The following MCC variants were observed in gnomAD, a reference collection of about 807,000 sequenced individuals.
The protein encoded by MCC is colorectal mutant cancer protein.
Under a neutral mutation model 116.2 loss-of-function variants are expected in MCC, and 90 were observed. That is an observed-to-expected ratio of 0.77 (90% CI 0.65 to 0.92). The LOEUF is 0.92. Among genes scored for constraint, MCC ranks in the 40% least tolerant of loss-of-function variants. The probability of loss-of-function intolerance (pLI) is 0.00; values close to 1 mark genes in which losing one functional copy is unlikely to be tolerated. For synonymous variants in MCC, 578 were observed against 510.5 expected, an observed-to-expected ratio of 1.13 and a Z score of -1.78; for missense variants, 1,516 against 1,312.2, an observed-to-expected ratio of 1.16 and a Z score of -2.40.
chr5:113,292,436 G>A (rs1766536752), intron 3 of MCC, among the ~76,000 whole-genome samples: 1 of 152,056 alleles, frequency 6.6e-6, no homozygotes, highest in African/African-American at 2.4e-5. Context: ...GCTGAGGAAG[G>A]AACTTATTTC....
chr5:113,090,810 G>C (rs185960598), intron 8 of MCC, among the ~76,000 whole-genome samples: 13 of 152,270 alleles, frequency 8.5e-5, no homozygotes, highest in Middle Eastern at 3.4e-3. Context: ...GTCAACAGGT[G>C]CTCCTATTAA....
chr5:113,071,561 G>C (rs560965192), intron 11 of MCC, among the ~76,000 whole-genome samples: 2 of 152,182 alleles, frequency 1.3e-5, no homozygotes, highest in Non-Finnish European at 2.9e-5. Flanking sequence ...CCTCCAGGCC[G>C]CCATCATGTG....
chr5:113,363,017 T>C (rs2416311), intron 2 of MCC, among the ~76,000 whole-genome samples: 95,208 of 151,996 alleles, frequency 0.63, 32,358 homozygotes, highest in African/African-American at 0.9. Flanking sequence ...CAGTGGCTCA[T>C]GCCTGTAATC....
chr5:113,327,561 A>ATATATATATATATAT (rs1554076392), intron 3 of MCC, among the ~76,000 whole-genome samples: 73 of 80,474 alleles, frequency 9.1e-4, no homozygotes, highest in Non-Finnish European at 1.4e-3. Flanking sequence ...AAAAAAAAAA[A>ATATATATATATATAT]ATATATATAT....
chr5:113,390,898 C>T (rs1168813802), intron 1 of MCC, among the ~76,000 whole-genome samples: 1 of 152,110 alleles, frequency 6.6e-6, no homozygotes, highest in Non-Finnish European at 1.5e-5. Context: ...ACTTATTTTG[C>T]CCCAAATCTT....
At chr5:113,409,550 C>A (rs749360564) in intron 1 of MCC, among the ~76,000 whole-genome samples, 2 of 152,098 alleles carry the variant, frequency 1.3e-5, no homozygotes, top group Admixed American at 1.3e-4. Context: ...TGGGGTCTCA[C>A]TATGTAGCCC....
intron 5 of MCC, among the ~76,000 whole-genome samples, chr5:113,134,944 CTTT>C (rs1554056937): frequency 1.6e-5 from 2 of 128,268 alleles, no homozygotes; most frequent in South Asian, 2.6e-4. Context: ...ACTTTTACTT[CTTT>C]TTTTTTTTTT....
chr5:113,315,207 G>C (rs1014627145), intron 3 of MCC, among the ~76,000 whole-genome samples: 3 of 152,054 alleles, frequency 2.0e-5, no homozygotes, highest in African/African-American at 7.2e-5. Flanking sequence ...TTTATCTCTG[G>C]TCCTCAATTC....
rs370370107 is a variant in MCC, at chr5:113,364,447, G to T, written c.415+20521C>A. On this transcript the variant is annotated intron_variant, in intron 2 of 18. Coordinates refer to ENST00000408903, the MANE Select transcript of MCC (RefSeq NM_001085377.2). ...TGCCCCTACAGCTTTGCAGGGTTCAGCCCCTGTGGCTACTTTCATGGGCTG... is the reference window on the plus strand; with the variant it reads ...TGCCCCTACAGCTTTGCAGGGTTCATCCCCTGTGGCTACTTTCATGGGCTG... 1.4e-3 allele frequency among the ~76,000 whole-genome samples: 220 copies of T among 152,270 alleles called. 1 individual carries two copies. Among genetic ancestry groups the T allele is most frequent in the African/African-American group, 5.1e-3 (210 of 41,564 alleles).
chr5:113,227,214 T>C (rs1261567175), intron 3 of MCC, among the ~76,000 whole-genome samples: 2 of 152,230 alleles, frequency 1.3e-5, no homozygotes, highest in South Asian at 2.1e-4. Flanking sequence ...TTTGAGACTC[T>C]TGAAGTTATC....
intron 3 of MCC, chr5:113,204,626 G>A (rs1482343415): frequency 1.3e-5 from 2 of 152,240 alleles, no homozygotes; most frequent in African/African-American, 2.4e-5. Context: ...AGAGCGAGCA[G>A]GCCCTGAGCT....
intron 3 of MCC, among the ~76,000 whole-genome samples, chr5:113,177,230 C>T (rs1294441284): frequency 6.6e-6 from 1 of 152,182 alleles, no homozygotes; most frequent in Non-Finnish European, 1.5e-5. Flanking sequence ...TTGGTCTCCT[C>T]TAGTAGTCTG....
intron 5 of MCC, among the ~76,000 whole-genome samples, chr5:113,126,826 A>C (rs559587126): frequency 6.6e-6 from 1 of 152,270 alleles, no homozygotes; most frequent in East Asian, 1.9e-4. Context: ...GTGGATTTTT[A>C]ACTGCACAGT....
At chr5:113,315,958 C>A (rs35564696) in intron 3 of MCC, among the ~76,000 whole-genome samples, 2 of 151,718 alleles carry the variant, frequency 1.3e-5, no homozygotes, top group Non-Finnish European at 2.9e-5. Context: ...ACAAAGTAGA[C>A]CTTCAAGAGA....
intron 6 of MCC, among the ~76,000 whole-genome samples, chr5:113,109,798 T>C (rs1279267771): frequency 2.0e-5 from 3 of 152,018 alleles, no homozygotes; most frequent in Non-Finnish European, 4.4e-5. Context: ...AAAAAAATTT[T>C]CCCCTGTGGG....
chr5:113,247,664 T>G (rs1469668717), intron 3 of MCC, among the ~76,000 whole-genome samples: 2 of 151,794 alleles, frequency 1.3e-5, no homozygotes, highest in African/African-American at 2.4e-5. Flanking sequence ...AGGAATGAGG[T>G]GATGGGGACC....
intron 3 of MCC, among the ~76,000 whole-genome samples, chr5:113,221,421 C>G (rs767714429): frequency 7.9e-5 from 12 of 152,176 alleles, no homozygotes; most frequent in South Asian, 2.1e-4. Flanking sequence ...AGCTTTGAAA[C>G]GAAGATGATA....
At chr5:113,335,875 T>G (rs183267015) in intron 3 of MCC, among the ~76,000 whole-genome samples, 2 of 151,924 alleles carry the variant, frequency 1.3e-5, no homozygotes. Context: ...ATACTTTTTA[T>G]GCTCTGAAAC....
chr5:113,122,065 C>A (rs868826852), intron 6 of MCC, among the ~76,000 whole-genome samples: 1 of 152,220 alleles, frequency 6.6e-6, no homozygotes. Flanking sequence ...TTCCTATTAG[C>A]CTTCATTTAA....
Sources: gnomAD v4.1 joint callset for allele counts (sites outside exome capture counted in the v4.1 genomes callset) on GRCh38, gnomAD v4.1.1 for gene constraint, MANE v1.5 for transcripts, NCBI Gene and HGNC (gene_info 2026-07-23, HGNC 2026-07-21) for gene names.